Variants in NXNL1 observed in about 807,000 individuals in gnomAD.
NXNL1 encodes nucleoredoxin like 1.
NXNL1 carries 6 observed loss-of-function variants against 7.2 expected under a neutral mutation model. The observed-to-expected ratio is 0.83, with a 90% CI of 0.46 to 1.64. The LOEUF is 1.64. NXNL1 is among the 40% of genes most tolerant of loss of function. NXNL1 has a pLI of 0.01. For synonymous variants in NXNL1, 133 were observed against 127.2 expected (o/e 1.05, Z -0.31); for missense variants, 308 against 285.1 (o/e 1.08, Z -0.58).
chr19:17,455,663 G>GGCCCCCCCCCCCCC lies in NXNL1; in HGVS notation c.622_623insGGGGGGGGGGGGGC (p.Ala208GlyfsTer61). ...CCTAGCGGGTCAGAACAGCCCCCCGGCCCCGCCCTCCTCCCCACCCCCTCC... is the reference window on the plus strand; with the variant it reads ...CCTAGCGGGTCAGAACAGCCCCCCGGGCCCCCCCCCCCCCCCCCGCCCTCCTCCCCACCCCCTCC... On this transcript the variant is annotated frameshift_variant, in exon 2 of 2. Transcript: ENST00000301944. LOFTEE classifies it high-confidence loss of function. 1 of 771,710 alleles carries GGCCCCCCCCCCCCC rather than the reference G, an allele frequency of 1.3e-6. No individual in the cohort carries two copies. Among genetic ancestry groups the GGCCCCCCCCCCCCC allele is most frequent in the Non-Finnish European group, 2.2e-6 (1 of 464,464 alleles). 47.8% of individuals were successfully genotyped at this position (771,710 alleles called of 1,614,324 possible).
In NXNL1 at chr19:17,455,685, C is replaced by CCCTTT; in HGVS notation, c.600_601insAAAGG (p.Gly201LysfsTer65). The CCCTTT allele has an allele frequency of 2.0e-6, 3 of 1,511,434 alleles. No individual in the cohort carries two copies. The highest frequency in any genetic ancestry group is 2.7e-6 in the Non-Finnish European group (3 of 1,127,542). The allele number at this position is 1,511,434 out of a possible 1,614,324, so 93.6% of individuals were successfully genotyped here. A position where few individuals can be genotyped will look rare whatever the true frequency, so the allele number is the denominator to read the frequency against. ...CCGGCCCCGCCCTCCTCCCCACCCC[C>CCCTTT]TCCCCCGGGGTCGCGCCCGCCTCGC... On this transcript the variant is annotated frameshift_variant, in exon 2 of 2. Transcript: ENST00000301944. LOFTEE classifies it high-confidence loss of function.
intron 1 of NXNL1, among the ~76,000 whole-genome samples, chr19:17,456,523 C>T (rs754856770): frequency 2.5e-4 from 38 of 151,776 alleles, no homozygotes; most frequent in Admixed American, 2.0e-4. Flanking sequence ...GAATAAATAA[C>T]ATTCCAAGGC....
chr19:17,457,841 G>A (rs940900307), intron 1 of NXNL1, among the ~76,000 whole-genome samples: 9 of 152,182 alleles, frequency 5.9e-5, no homozygotes, highest in Admixed American at 1.3e-4. Flanking sequence ...CGTTGCTAGC[G>A]TCAGGGAGGA....
Position 17,455,672 on chromosome 19 carries a change from T to TCCCCCCCCCCCC in NXNL1, c.613_614insGGGGGGGGGGGG (p.Glu204_Glu205insGlyGlyGlyGly). The TCCCCCCCCCCCC allele has an allele frequency of 2.4e-6, 1 of 419,172 alleles. No homozygotes were observed. The allele number at this position is 419,172 out of a possible 1,614,324, so 26.0% of individuals were successfully genotyped here. ...TCAGAACAGCCCCCCGGCCCCGCCCTCCTCCCCACCCCCTCCCCCGGGGTC... is the reference window on the plus strand; with the variant it reads ...TCAGAACAGCCCCCCGGCCCCGCCCTCCCCCCCCCCCCCCTCCCCACCCCCTCCCCCGGGGTC... On this transcript the variant is annotated inframe_insertion, in exon 2 of 2. Coordinates refer to ENST00000301944, the MANE Select transcript of NXNL1 (RefSeq NM_138454.2).
At chr19:17,458,701 AAGCGATTCTCG>A (rs1476063782) in intron 1 of NXNL1, among the ~76,000 whole-genome samples, 4 of 145,592 alleles carry the variant, frequency 2.7e-5, no homozygotes, top group African/African-American at 1.0e-4. Flanking sequence ...TCCCGGGTTC[AAGCGATTCTCG>A]TGCTTCAGCC....
rs748149169 is a variant in NXNL1, at chr19:17,455,655, GC to G, written c.630del (p.Leu211CysfsTer53). 5.7e-4 allele frequency: 550 copies of G among 958,168 alleles called. 7 individuals carry two copies. In the Middle Eastern group the frequency reaches 6.0e-3, roughly 10 times the overall value. 59.4% of individuals were successfully genotyped at this position (958,168 alleles called of 1,614,324 possible). A position where few individuals can be genotyped will look rare whatever the true frequency, so the allele number is the denominator to read the frequency against. On this transcript the variant is annotated frameshift_variant, in exon 2 of 2. Coordinates refer to ENST00000301944, the MANE Select transcript of NXNL1 (RefSeq NM_138454.2). LOFTEE classifies it high-confidence loss of function. ...GGGGEEGGAG[G>X]LF Reference sequence around the variant, plus strand: ...TCCTCCACCCTAGCGGGTCAGAACAGCCCCCCGGCCCCGCCCTCCTCCCCAC... The same window carrying G: ...TCCTCCACCCTAGCGGGTCAGAACAGCCCCCGGCCCCGCCCTCCTCCCCAC...
chr19:17,459,191 T>C (rs945682989), intron 1 of NXNL1, among the ~76,000 whole-genome samples: 6 of 152,044 alleles, frequency 3.9e-5, no homozygotes, highest in Non-Finnish European at 8.8e-5. Flanking sequence ...CTGTCACATC[T>C]AAAGAAGATT....
At chr19:17,458,270 AG>A (rs1201759935) in intron 1 of NXNL1, among the ~76,000 whole-genome samples, 2 of 127,124 alleles carry the variant, frequency 1.6e-5, no homozygotes, top group Non-Finnish European at 1.5e-5. Context: ...CCCAGGCTGG[AG>A]TGCAGTGGCA....
At chr19:17,458,386 A>T (rs8102174) in intron 1 of NXNL1, among the ~76,000 whole-genome samples, 47,482 of 150,500 alleles carry the variant, frequency 0.32, 7,698 homozygotes, top group Non-Finnish European at 0.34. Context: ...ACGCCCGGCT[A>T]ATTTATTGTA....
In NXNL1 at chr19:17,460,884, G is replaced by T; in HGVS notation, c.-15C>A. On this transcript the variant is annotated 5_prime_UTR_variant, in exon 1 of 2. Transcript: ENST00000301944. ...AGGGAGGCCATGGTAACCTGGGTTG[G>T]GTGCTGGGGACAGCGCGGCGTGTGG... is the stretch of plus-strand genomic sequence containing the variant. 1 of 1,611,634 alleles carries T rather than the reference G, an allele frequency of 6.2e-7. No homozygotes were observed. The highest frequency in any genetic ancestry group is 2.2e-5 in the East Asian group (1 of 44,878).
At chr19:17,458,258 C>T (rs926753108) in intron 1 of NXNL1, among the ~76,000 whole-genome samples, 17 of 128,700 alleles carry the variant, frequency 1.3e-4, no homozygotes, top group Admixed American at 4.8e-4. Context: ...CTCGCTCTGT[C>T]GCCCAGGCTG....
rs2075009407 is a variant in NXNL1, at chr19:17,460,675, G to A, written c.195C>T (p.Phe65=). 1 of 1,613,654 alleles carries A rather than the reference G, an allele frequency of 6.2e-7. No individual in the cohort carries two copies. The highest frequency in any genetic ancestry group is 8.5e-7 in the Non-Finnish European group (1 of 1,180,028). ...KDFFVRLTDE[F]YVLRAAQLAL... ...CCAGCTGAGCCGCCCGCAGTACATA[G>A]AACTCATCTGTGAGCCGCACGAAGA... is the stretch of plus-strand genomic sequence containing the variant. The change falls in exon 1 of 2, where the codon TTC becomes TTT. Residue 65 remains phenylalanine, a synonymous_variant. Coordinates refer to ENST00000301944, the MANE Select transcript of NXNL1 (RefSeq NM_138454.2).
intron 1 of NXNL1, 148 bp downstream of exon 1, chr19:17,460,396 G>C: frequency 1.2e-6 from 1 of 806,794 alleles, no homozygotes; most frequent in South Asian, 1.8e-5. Context: ...AAGCCAGCAT[G>C]TGGAAGTGGG....
Position 17,455,663 on chromosome 19 carries a change from G to GGCCCCCCCCCCCC in NXNL1, c.622_623insGGGGGGGGGGGGC (p.Ala208GlyfsTer13). ...CCTAGCGGGTCAGAACAGCCCCCCG[G>GGCCCCCCCCCCCC]CCCCGCCCTCCTCCCCACCCCCTCC... On this transcript the variant is annotated frameshift_variant, in exon 2 of 2. Transcript: ENST00000301944. LOFTEE classifies it high-confidence loss of function. 1.3e-6 allele frequency: 1 copy of GGCCCCCCCCCCCC among 771,716 alleles called. No homozygotes were observed. The highest frequency in any genetic ancestry group is 2.2e-6 in the Non-Finnish European group (1 of 464,466). 47.8% of individuals were successfully genotyped at this position (771,716 alleles called of 1,614,324 possible). A position where few individuals can be genotyped will look rare whatever the true frequency, so the allele number is the denominator to read the frequency against.
At position 17,455,675 on chromosome 19, in the gene NXNL1, T is replaced by TCCCCCCCCCCCCC; in HGVS notation, c.610_611insGGGGGGGGGGGGG (p.Glu204GlyfsTer17). 9.9e-6 allele frequency: 4 copies of TCCCCCCCCCCCCC among 404,330 alleles called. No individual in the cohort carries two copies. Among genetic ancestry groups the TCCCCCCCCCCCCC allele is most frequent in the South Asian group, 5.9e-5 (2 of 33,796 alleles). 25.0% of individuals were successfully genotyped at this position (404,330 alleles called of 1,614,324 possible). A position where few individuals can be genotyped will look rare whatever the true frequency, so the allele number is the denominator to read the frequency against. The stretch of plus-strand genomic sequence containing the variant: ...GAACAGCCCCCCGGCCCCGCCCTCC[T>TCCCCCCCCCCCCC]CCCCACCCCCTCCCCCGGGGTCGCG... On this transcript the variant is annotated frameshift_variant, in exon 2 of 2. Transcript: ENST00000301944. LOFTEE classifies it high-confidence loss of function.
chr19:17,458,033 T>TGC (rs1307371324), intron 1 of NXNL1, among the ~76,000 whole-genome samples: 3 of 152,164 alleles, frequency 2.0e-5, no homozygotes, highest in Non-Finnish European at 4.4e-5. Context: ...CACGTATGCA[T>TGC]ATACGTGTAT....
chr19:17,460,417 T>C, intron 1 of NXNL1, 127 bp downstream of exon 1: 1 of 1,029,132 alleles, frequency 9.7e-7, no homozygotes, highest in Non-Finnish European at 1.4e-6. Context: ...CACCCCTGTC[T>C]GTACCCCCTA....
chr19:17,460,098 C>T (rs1568403023), intron 1 of NXNL1, among the ~76,000 whole-genome samples: 2 of 152,164 alleles, frequency 1.3e-5, no homozygotes, highest in Non-Finnish European at 2.9e-5. Flanking sequence ...GCAGCATCTG[C>T]CTCCCAGTTT....
chr19:17,460,544 C>T lies in NXNL1; in HGVS notation c.326G>A (p.Arg109Lys). The T allele has an allele frequency of 4.4e-6, 7 of 1,600,134 alleles. No homozygotes were observed. The highest frequency in any genetic ancestry group is 5.9e-6 in the Non-Finnish European group (7 of 1,179,934). Residue 109 changes from arginine to lysine, a missense_variant and splice_region_variant, in exon 1 of 2, where the codon AGG becomes AAG. By Grantham distance (26) the Arg-to-Lys change is conservative (BLOSUM62 2). Transcript: ENST00000301944. Reference protein sequence around the residue: ...LFLPFEDDLRRDLGRQFSVER... With the variant: ...LFLPFEDDLRKDLGRQFSVER... ...GGAAGCCCTCCCTGCCCCTCCTCAC[C>T]TCCTCAGATCATCCTCAAAGGGCAG...
Sources: gnomAD v4.1 joint callset for allele counts (sites outside exome capture counted in the v4.1 genomes callset) on GRCh38, gnomAD v4.1.1 for gene constraint, MANE v1.5 for transcripts, NCBI Gene and HGNC (gene_info 2026-07-23, HGNC 2026-07-21) for gene names.